Variants in MGAT4C observed in about 807,000 individuals in gnomAD.
MGAT4C encodes MGAT4 family member C.
In MGAT4C, 19 loss-of-function variants were observed where a neutral mutation model predicts 40.1. The ratio of observed to expected loss-of-function variants is 0.47; its 90% CI spans 0.33 to 0.70. The LOEUF is 0.70. Among genes scored for constraint, MGAT4C ranks in the 30% least tolerant of loss-of-function variants. MGAT4C has a pLI of 0.02. For missense variants in MGAT4C, 491 were observed against 563.2 expected (o/e 0.87, Z 1.30); for synonymous variants, 181 against 187.1 (o/e 0.97, Z 0.27).
At chr12:86,304,023 C>T (rs1241033720) in intron 4 of MGAT4C, among the ~76,000 whole-genome samples, 1 of 150,400 alleles carries the variant, frequency 6.6e-6, no homozygotes, top group Admixed American at 6.6e-5. Context: ...GTAAATGTCT[C>T]ACAAATACAC....
At chr12:86,161,758 C>T (rs181249301) in intron 1 of MGAT4C, among the ~76,000 whole-genome samples, 31 of 152,024 alleles carry the variant, frequency 2.0e-4, no homozygotes, top group Admixed American at 1.8e-3. Flanking sequence ...ACTAGGCATT[C>T]GACAAAGGCC....
intron 3 of MGAT4C, among the ~76,000 whole-genome samples, chr12:85,987,625 A>G (rs1436593185): frequency 6.6e-6 from 1 of 152,230 alleles, no homozygotes; most frequent in Non-Finnish European, 1.5e-5. Flanking sequence ...ATAGCACTGT[A>G]AACATTTGCA....
intron 1 of MGAT4C, among the ~76,000 whole-genome samples, chr12:86,074,090 C>G (rs1229477069): frequency 1.3e-5 from 2 of 152,108 alleles, no homozygotes; most frequent in Non-Finnish European, 2.9e-5. Flanking sequence ...GTGAATAAGT[C>G]TCACAAGATC....
chr12:86,532,999 T>G (rs1384368673), intron 2 of MGAT4C, among the ~76,000 whole-genome samples: 2 of 151,982 alleles, frequency 1.3e-5, no homozygotes, highest in Non-Finnish European at 2.9e-5. Context: ...ATTAACCATT[T>G]GAAAAAAATT....
chr12:86,781,710 T>C (rs1368505070), intron 1 of MGAT4C, among the ~76,000 whole-genome samples: 2 of 152,118 alleles, frequency 1.3e-5, no homozygotes, highest in Admixed American at 6.5e-5. Context: ...ATAATCTCAA[T>C]ATTCAGCATT....
At chr12:86,633,054 A>G (rs1963111853) in intron 2 of MGAT4C, among the ~76,000 whole-genome samples, 2 of 151,852 alleles carry the variant, frequency 1.3e-5, no homozygotes, top group Admixed American at 6.6e-5. Flanking sequence ...CCAAATATAT[A>G]TTATATATTT....
intron 1 of MGAT4C, among the ~76,000 whole-genome samples, chr12:86,756,852 A>T (rs994072521): frequency 6.6e-6 from 1 of 152,180 alleles, no homozygotes; most frequent in Non-Finnish European, 1.5e-5. Flanking sequence ...ACCCTGAAAG[A>T]TAACTTCCTA....
chr12:86,184,473 C>T lies in MGAT4C; in HGVS notation c.-57+71766G>A, dbSNP rs1001184095. On this transcript the variant is annotated intron_variant, in intron 1 of 4. Transcript: ENST00000611864. ...ATTAACTTTTACAGTTTTTATACTCCTTTGTCTTCTTTTCTCGAAATTTTA... is the reference window on the plus strand; with the variant it reads ...ATTAACTTTTACAGTTTTTATACTCTTTTGTCTTCTTTTCTCGAAATTTTA... Among the ~76,000 whole-genome samples, 5 of 151,696 alleles carry T rather than the reference C, an allele frequency of 3.3e-5. No individual in the cohort carries two copies. In the South Asian group the frequency reaches 1.0e-3, roughly 32 times the overall value.
chr12:86,812,795 C>T (rs555679712), intron 1 of MGAT4C, among the ~76,000 whole-genome samples: 27 of 152,138 alleles, frequency 1.8e-4, no homozygotes, highest in Admixed American at 2.6e-4. Context: ...GTTGGTTTTG[C>T]CAACCTTTAC....
chr12:86,405,659 C>T (rs1956450481), intron 3 of MGAT4C, among the ~76,000 whole-genome samples: 1 of 151,502 alleles, frequency 6.6e-6, no homozygotes, highest in Non-Finnish European at 1.5e-5. Flanking sequence ...CTAAAACAAT[C>T]TTGAAAAAGA....
At chr12:86,634,807 C>T (rs1468404741) in intron 2 of MGAT4C, among the ~76,000 whole-genome samples, 2 of 152,096 alleles carry the variant, frequency 1.3e-5, no homozygotes, top group African/African-American at 4.8e-5. Context: ...CTAAAATAGT[C>T]ACGACAGTGA....
At chr12:85,982,452 G>A (rs1279717280) in intron 4 of MGAT4C, among the ~76,000 whole-genome samples, 1 of 152,188 alleles carries the variant, frequency 6.6e-6, no homozygotes, top group African/African-American at 2.4e-5. Context: ...GCCTCCCAAA[G>A]TGCTGGGATT....
chr12:86,792,262 C>T (rs1338555967), intron 1 of MGAT4C, among the ~76,000 whole-genome samples: 2 of 152,048 alleles, frequency 1.3e-5, no homozygotes, highest in African/African-American at 4.8e-5. Flanking sequence ...ATTAAATTTA[C>T]AGACATTCAG....
At chr12:86,788,072 T>C (rs1951962547) in intron 1 of MGAT4C, among the ~76,000 whole-genome samples, 1 of 151,840 alleles carries the variant, frequency 6.6e-6, no homozygotes, top group South Asian at 2.1e-4. Context: ...TTCTTTTCAG[T>C]TTTCATTTTC....
At chr12:86,304,097 G>A (rs1299424633) in intron 4 of MGAT4C, among the ~76,000 whole-genome samples, 2 of 150,534 alleles carry the variant, frequency 1.3e-5, no homozygotes, top group African/African-American at 5.0e-5. Context: ...ATTCCTTCTT[G>A]ATGTTAAATT....
At chr12:86,706,371 A>T (rs769916440) in intron 2 of MGAT4C, among the ~76,000 whole-genome samples, 3 of 152,200 alleles carry the variant, frequency 2.0e-5, no homozygotes, top group Non-Finnish European at 2.9e-5. Context: ...TGTTCAACAA[A>T]TAATAAGAAA....
At chr12:86,546,658 A>G (rs1254218167) in intron 2 of MGAT4C, among the ~76,000 whole-genome samples, 1 of 152,034 alleles carries the variant, frequency 6.6e-6, no homozygotes, top group Non-Finnish European at 1.5e-5. Context: ...CCTGCTGTGA[A>G]AGTGTATTTA....
intron 1 of MGAT4C, among the ~76,000 whole-genome samples, chr12:86,145,222 G>T (rs1236650604): frequency 6.6e-6 from 1 of 152,094 alleles, no homozygotes; most frequent in Non-Finnish European, 1.5e-5. Context: ...TAGATAATTA[G>T]AAATGAAATG....
At chr12:86,518,334 A>G (rs760544449) in intron 2 of MGAT4C, among the ~76,000 whole-genome samples, 19 of 152,368 alleles carry the variant, frequency 1.2e-4, no homozygotes, top group Non-Finnish European at 2.5e-4. Context: ...AAATATACAT[A>G]TATAACTTGA....
Sources: allele counts gnomAD v4.1 joint callset (sites outside exome capture counted in the v4.1 genomes callset), GRCh38; gene constraint gnomAD v4.1.1; transcripts MANE v1.5; gene names NCBI Gene and HGNC (gene_info 2026-07-23, HGNC 2026-07-21).